ITGA9: variants seen among roughly 807,000 people sequenced by gnomAD.
The protein encoded by ITGA9 is integrin subunit alpha 9, also known as integrin alpha-9.
In ITGA9, 56 loss-of-function variants were observed where a neutral mutation model predicts 127.8. That is an observed-to-expected ratio of 0.44 (90% CI 0.35 to 0.55). The LOEUF is 0.55. Among genes scored for constraint, ITGA9 ranks in the 20% least tolerant of loss-of-function variants. The probability of loss-of-function intolerance (pLI) is 0.00; values close to 1 mark genes in which losing one functional copy is unlikely to be tolerated. For missense variants in ITGA9, 1,196 were observed against 1,347.1 expected, an observed-to-expected ratio of 0.89 and a Z score of 1.76; for synonymous variants, 508 against 514.5, an observed-to-expected ratio of 0.99 and a Z score of 0.17.
chr3:37,752,496 A>G (rs747806251), intron 23 of ITGA9, among the ~76,000 whole-genome samples: 3 of 152,176 alleles, frequency 2.0e-5, no homozygotes, highest in Non-Finnish European at 2.9e-5. Context: ...GATTATAGGC[A>G]TGGAGGGAAG....
At chr3:37,688,812 A>G (rs1204977460) in intron 18 of ITGA9, among the ~76,000 whole-genome samples, 1 of 152,102 alleles carries the variant, frequency 6.6e-6, no homozygotes, top group South Asian at 2.1e-4. Context: ...AGATGGATGG[A>G]TGGATGGATG....
At chr3:37,791,578 C>T (rs982066858) in intron 26 of ITGA9, among the ~76,000 whole-genome samples, 1 of 152,214 alleles carries the variant, frequency 6.6e-6, no homozygotes, top group East Asian at 1.9e-4. Context: ...CTATCCCTGG[C>T]TTCTCTCTAC....
rs185027654 is a variant in ITGA9, at chr3:37,499,489, C to T, written c.613-3689C>T. Among the ~76,000 whole-genome samples, 13 of 152,322 alleles carry T rather than the reference C, an allele frequency of 8.5e-5. No homozygotes were observed. The East Asian group carries it at 2.5e-3, about 29-fold the overall frequency. ...CAAATGTGATTTAGGTAGTGGTGGCCTTTGCTTAGAGAAGCTTTCATTTGT... is the reference window on the plus strand; with the variant it reads ...CAAATGTGATTTAGGTAGTGGTGGCTTTTGCTTAGAGAAGCTTTCATTTGT... On this transcript the variant is annotated intron_variant, in intron 5 of 27. Coordinates refer to ENST00000264741, the MANE Select transcript of ITGA9 (RefSeq NM_002207.3).
intron 23 of ITGA9, among the ~76,000 whole-genome samples, chr3:37,765,081 C>T (rs1345379564): frequency 2.6e-5 from 4 of 152,072 alleles, no homozygotes; most frequent in South Asian, 2.1e-4. Flanking sequence ...CATTTGGTGC[C>T]GAGACCATAG....
At chr3:37,665,023 A>G (rs1575185207) in intron 17 of ITGA9, among the ~76,000 whole-genome samples, 1 of 133,014 alleles carries the variant, frequency 7.5e-6, no homozygotes, top group African/African-American at 2.9e-5. Context: ...CCCAGGCTGG[A>G]GTAGAGTGGT....
intron 26 of ITGA9, among the ~76,000 whole-genome samples, chr3:37,793,430 A>ACACGTG (rs1186425748): frequency 1.3e-5 from 2 of 149,992 alleles, no homozygotes; most frequent in African/African-American, 5.0e-5. Flanking sequence ...ACACACACAC[A>ACACGTG]CACACACGTG....
chr3:37,653,421 C>T (rs1700447361), intron 16 of ITGA9, among the ~76,000 whole-genome samples: 1 of 152,146 alleles, frequency 6.6e-6, no homozygotes, highest in Admixed American at 6.6e-5. Context: ...AAAGGACATC[C>T]ACCACCACGT....
chr3:37,680,082 G>A (rs1700720936), intron 17 of ITGA9, among the ~76,000 whole-genome samples: 1 of 152,244 alleles, frequency 6.6e-6, no homozygotes, highest in African/African-American at 2.4e-5. Flanking sequence ...TGTTGGAGAG[G>A]AATGAGTTTT....
chr3:37,597,516 C>T lies in ITGA9; in HGVS notation c.1690-31671C>T, dbSNP rs148950554. Among the ~76,000 whole-genome samples, 1 of 152,286 alleles carries T rather than the reference C, an allele frequency of 6.6e-6. No homozygotes were observed. Among genetic ancestry groups the T allele is most frequent in the African/African-American group, 2.4e-5 (1 of 41,566 alleles). On this transcript the variant is annotated intron_variant, in intron 15 of 27. Transcript: ENST00000264741. This position sits in a 1 kb window ranked among gnomAD's most constrained non-coding sequence, Gnocchi z 4.6. ...CGAGGTAGAACTCCCACAGTTTCCT[C>T]ATCTCTATTGTACATAGTAATCAGG...
At chr3:37,535,965 T>TGGAAATGTGATA (rs1699203758) in intron 14 of ITGA9, among the ~76,000 whole-genome samples, 1 of 151,904 alleles carries the variant, frequency 6.6e-6, no homozygotes. Flanking sequence ...GCAGGCCTTA[T>TGGAAATGTGATA]GGAAATGTGA....
intron 17 of ITGA9, among the ~76,000 whole-genome samples, chr3:37,680,967 C>T (rs776905847): frequency 2.0e-5 from 3 of 152,136 alleles, no homozygotes; most frequent in Non-Finnish European, 2.9e-5. Flanking sequence ...CCTCAGAGCC[C>T]GTGCTTCCAA....
chr3:37,573,616 G>A (rs1337783084), intron 15 of ITGA9, among the ~76,000 whole-genome samples: 1 of 152,202 alleles, frequency 6.6e-6, no homozygotes, highest in African/African-American at 2.4e-5. Flanking sequence ...TGCCTGGGCT[G>A]ACTTGGGTTT....
At chr3:37,600,732 G>A (rs555152545) in intron 15 of ITGA9, among the ~76,000 whole-genome samples, 1 of 152,104 alleles carries the variant, frequency 6.6e-6, no homozygotes, top group East Asian at 1.9e-4. Context: ...CTCCCCACTG[G>A]AGCTCCATGG....
chr3:37,636,809 A>G (rs1700283886), intron 16 of ITGA9, among the ~76,000 whole-genome samples: 1 of 151,872 alleles, frequency 6.6e-6, no homozygotes, highest in African/African-American at 2.4e-5. Context: ...TAATTTTTGT[A>G]TAAGGTGTAA....
chr3:37,697,497 C>A (rs1700898189), intron 18 of ITGA9, among the ~76,000 whole-genome samples: 1 of 152,012 alleles, frequency 6.6e-6, no homozygotes, highest in Non-Finnish European at 1.5e-5. Context: ...CCCCCAACCC[C>A]ACGACAGGCC....
Position 37,533,469 on chromosome 3 carries a change from G to A in ITGA9, c.1528+1G>A, listed in dbSNP as rs1383885511. ...GGCAAACACGTTCCAGGAGAGATTG[G>A]TAATGAGCCACCAAGTCAGGGCTCA... is the stretch of plus-strand genomic sequence containing the variant. On this transcript the variant is annotated splice_donor_variant, in intron 14 of 27. Transcript: ENST00000264741. LOFTEE classifies it high-confidence loss of function. The A allele has an allele frequency of 1.2e-6, 2 of 1,613,894 alleles. No individual in the cohort carries two copies. The highest frequency in any genetic ancestry group is 8.5e-7 in the Non-Finnish European group (1 of 1,180,012).
intron 25 of ITGA9, 96 bp from the exon 26 acceptor site, chr3:37,784,881 A>G (rs751145384): frequency 4.8e-6 from 5 of 1,049,454 alleles, no homozygotes; most frequent in Admixed American, 1.9e-5. Flanking sequence ...TCTGGGCTAC[A>G]TGGAATCATG....
chr3:37,572,880 C>T (rs992574721), intron 15 of ITGA9, among the ~76,000 whole-genome samples: 3 of 152,134 alleles, frequency 2.0e-5, no homozygotes, highest in East Asian at 3.9e-4. Flanking sequence ...TTCTAATAAG[C>T]CTGAAAAGCA....
intron 15 of ITGA9, among the ~76,000 whole-genome samples, chr3:37,588,508 C>T (rs1575159237): frequency 6.6e-6 from 1 of 152,298 alleles, no homozygotes; most frequent in East Asian, 1.9e-4. Context: ...GAGTAGAGCC[C>T]AACATGGACC....
Sources: gnomAD v4.1 joint callset for allele counts (sites outside exome capture counted in the v4.1 genomes callset) on GRCh38, gnomAD v4.1.1 for gene constraint, Gnocchi (gnomAD v3.1) non-coding constraint, MANE v1.5 for transcripts, NCBI Gene and HGNC (gene_info 2026-07-23, HGNC 2026-07-21) for gene names.